ELP2: variants seen among roughly 807,000 people sequenced by gnomAD.
ELP2 encodes the protein elongator complex protein 2.
Under a neutral mutation model 119.2 loss-of-function variants are expected in ELP2, and 90 were observed. The ratio of observed to expected loss-of-function variants is 0.75; its 90% CI spans 0.64 to 0.90. The LOEUF (loss-of-function observed/expected upper bound fraction) is 0.90. Ranked by LOEUF, ELP2 falls within the 40% of genes least tolerant of loss-of-function variation. The pLI is 0.00. For missense variants in ELP2, 921 were observed against 967.8 expected (o/e 0.95, Z 0.64); for synonymous variants, 339 against 331.0 (o/e 1.02, Z -0.26).
chr18:36,141,361 A>G (rs368527976), intron 6 of ELP2, 160 bp downstream of exon 6: 18 of 675,076 alleles, frequency 2.7e-5, no homozygotes, highest in South Asian at 1.6e-4. Flanking sequence ...ATGGTTGTCT[A>G]CTCTGAACAC....
Position 36,156,583 on chromosome 18 carries a change from T to A in ELP2, c.1393T>A (p.Ser465Thr). The part of the protein sequence containing the change: ...GADEKVLRVF[S>T]APRNFVENFC... The stretch of plus-strand genomic sequence containing the variant: ...AGATGAAAAAGTTCTTCGGGTTTTT[T>A]CTGCACCTCGGAATTTTGTGGAAAA... The change falls in exon 13 of 22, where the codon TCT becomes ACT. Residue 465 changes from serine to threonine, a missense_variant. Physicochemically the swap from Ser to Thr is moderately conservative, Grantham distance 58 (BLOSUM62 1). Transcript: ENST00000358232. 1 of 1,614,156 alleles carries A rather than the reference T, an allele frequency of 6.2e-7. No individual in the cohort carries two copies. Among genetic ancestry groups the A allele is most frequent in the African/African-American group, 1.3e-5 (1 of 75,052 alleles).
At position 36,178,247 on chromosome 18, in the gene ELP2, G is replaced by C. The variant is rs971156136; in HGVS notation, c.*3606G>C. 4 of 152,198 alleles carry C rather than the reference G, an allele frequency of 2.6e-5. No individual in the cohort carries two copies. The highest frequency in any genetic ancestry group is 2.6e-4 in the Admixed American group (4 of 15,270). 9.4% of individuals were successfully genotyped at this position (152,198 alleles called of 1,614,324 possible). The stretch of plus-strand genomic sequence containing the variant: ...TAGAGGTTTGGGCCTTGGCTCTGAT[G>C]CTTGAACATAAACACACCTAGTCAG... On this transcript the variant is annotated 3_prime_UTR_variant, in exon 22 of 22. Coordinates refer to ENST00000358232, the MANE Select transcript of ELP2 (RefSeq NM_018255.4).
intron 18 of ELP2, among the ~76,000 whole-genome samples, chr18:36,166,508 T>C (rs907241903): frequency 5.9e-5 from 9 of 151,602 alleles, no homozygotes; most frequent in Non-Finnish European, 1.3e-4. Context: ...TTTTTTGTAT[T>C]TTTAGTAGAG....
intron 2 of ELP2, 131 bp from the exon 3 acceptor site, chr18:36,136,176 T>C (rs1304779264): frequency 8.7e-6 from 6 of 691,318 alleles, no homozygotes; most frequent in Non-Finnish European, 1.5e-5. Flanking sequence ...TAAGCAAATA[T>C]GGCAAAATGT....
chr18:36,145,916 A>G (rs1229018799), intron 9 of ELP2, 32 bp from the exon 10 acceptor site: 1 of 1,548,766 alleles, frequency 6.5e-7, no homozygotes, highest in Admixed American at 1.7e-5. Flanking sequence ...ATGATTGTTG[A>G]TCACCTAAAG....
In ELP2 at chr18:36,146,318, C is replaced by G; in HGVS notation, c.1062C>G (p.Ser354=). The G allele has an allele frequency of 6.2e-7, 1 of 1,614,102 alleles. No homozygotes were observed. The highest frequency in any genetic ancestry group is 1.3e-5 in the African/African-American group (1 of 75,052). Residue 354 remains serine, a synonymous_variant, in exon 11 of 22, where the codon TCC becomes TCG. Coordinates refer to ENST00000358232, the MANE Select transcript of ELP2 (RefSeq NM_018255.4). ...ATTGCCAGTTCAATGAAGATGGCTC[C>G]ATGATCATTGCTCATGCTTTCCACG... ...FYDCQFNEDG[S]MIIAHAFHGA...
chr18:36,143,018 GTTGA>G, intron 8 of ELP2, 52 bp downstream of exon 8: 1 of 1,397,954 alleles, frequency 7.2e-7, no homozygotes, highest in South Asian at 1.3e-5. Flanking sequence ...CTCCTAGTTG[GTTGA>G]TTTTTTTTTC....
chr18:36,171,820 A>G (rs2091089976), intron 21 of ELP2, among the ~76,000 whole-genome samples: 1 of 152,210 alleles, frequency 6.6e-6, no homozygotes, highest in African/African-American at 2.4e-5. Flanking sequence ...AGGCTCAATC[A>G]GTCTTCCTAC....
intron 2 of ELP2, 72 bp from the exon 3 acceptor site, chr18:36,136,235 T>G: frequency 8.8e-7 from 1 of 1,136,812 alleles, no homozygotes; most frequent in South Asian, 1.2e-5. Flanking sequence ...TGTTTTTTGG[T>G]GTAGCTTGGA....
chr18:36,151,834 G>A (rs139114109), intron 11 of ELP2, among the ~76,000 whole-genome samples: 15 of 144,360 alleles, frequency 1.0e-4, no homozygotes, highest in Non-Finnish European at 8.9e-5. Context: ...CTGCACTCTC[G>A]CCTCCCTGGT....
At chr18:36,132,943 T>G (rs2089685497) in intron 1 of ELP2, among the ~76,000 whole-genome samples, 1 of 151,934 alleles carries the variant, frequency 6.6e-6, no homozygotes, top group African/African-American at 2.4e-5. Context: ...GTGAAAAGGA[T>G]GTGGGCACTG....
At chr18:36,138,478 G>GTT in intron 4 of ELP2, 52 bp downstream of exon 4, 1 of 1,572,068 alleles carries the variant, frequency 6.4e-7, no homozygotes. Flanking sequence ...TTTAACAAAT[G>GTT]AATGACGAGT....
At position 36,174,735 on chromosome 18, in the gene ELP2, TG is replaced by T. The variant is rs2091183309; in HGVS notation, c.*97del. The T allele has an allele frequency of 1.6e-6, 2 of 1,289,240 alleles. No individual in the cohort carries two copies. The highest frequency in any genetic ancestry group is 2.2e-6 in the Non-Finnish European group (2 of 927,856). The allele number at this position is 1,289,240 out of a possible 1,614,324, so 79.9% of individuals were successfully genotyped here. ...TACCTTCATAACTGAATTGAGTTTC[TG>T]GGTTTTTTTTTTTTTTGAGATGGAG... On this transcript the variant is annotated 3_prime_UTR_variant, in exon 22 of 22. Transcript: ENST00000358232.
At chr18:36,139,505 A>G (rs1371055327) in intron 5 of ELP2, 39 of 1,535,586 alleles carry the variant, frequency 2.5e-5, no homozygotes, top group Non-Finnish European at 2.8e-5. Flanking sequence ...CTGCGACTCT[A>G]TGGTTTCATG....
intron 17 of ELP2, among the ~76,000 whole-genome samples, chr18:36,163,038 A>T (rs938275612): frequency 3.9e-5 from 6 of 152,090 alleles, no homozygotes; most frequent in African/African-American, 9.7e-5. Flanking sequence ...TTGTACCTTG[A>T]GTATTTCATT....
At chr18:36,171,330 A>G (rs2091076037) in intron 21 of ELP2, among the ~76,000 whole-genome samples, 170 bp downstream of exon 21, 1 of 152,172 alleles carries the variant, frequency 6.6e-6, no homozygotes, top group South Asian at 2.1e-4. Flanking sequence ...TCTGAAATTG[A>G]TATATTGCAC....
chr18:36,142,213 A>G (rs766387637), intron 6 of ELP2, 68 bp from the exon 7 acceptor site: 13 of 1,279,822 alleles, frequency 1.0e-5, no homozygotes, highest in Non-Finnish European at 1.5e-5. Flanking sequence ...CTGAGACCAA[A>G]TGATGTCACT....
intron 6 of ELP2, among the ~76,000 whole-genome samples, chr18:36,141,987 C>T (rs1035269097): frequency 6.6e-6 from 1 of 152,136 alleles, no homozygotes; most frequent in Non-Finnish European, 1.5e-5. Context: ...AGCCACTGCC[C>T]AACCCACCTT....
chr18:36,174,099 T>C (rs1448900617), intron 21 of ELP2, among the ~76,000 whole-genome samples: 1 of 152,218 alleles, frequency 6.6e-6, no homozygotes, highest in Non-Finnish European at 1.5e-5. Flanking sequence ...CTAGAATATA[T>C]TGTAAAGTTA....
Sources: gnomAD v4.1 joint callset for allele counts (sites outside exome capture counted in the v4.1 genomes callset) on GRCh38, gnomAD v4.1.1 for gene constraint, MANE v1.5 for transcripts, NCBI Gene and HGNC (gene_info 2026-07-23, HGNC 2026-07-21) for gene names.